Variants in TTC7A observed in about 807,000 individuals in gnomAD.
The protein encoded by TTC7A is tetratricopeptide repeat domain 7A.
In TTC7A, 110 loss-of-function variants were observed where a neutral mutation model predicts 103.7. The ratio of observed to expected loss-of-function variants is 1.06; its 90% CI spans 0.91 to 1.24. The LOEUF is 1.24. Among genes scored for constraint, TTC7A ranks in the 50% most tolerant of loss-of-function variants. The pLI is 0.00. For missense variants in TTC7A, 1,340 were observed against 1,116.3 expected, an observed-to-expected ratio of 1.20 and a Z score of -2.86; for synonymous variants, 521 against 467.9, an observed-to-expected ratio of 1.11 and a Z score of -1.47.
chr2:46,957,152 G>A (rs1347149617), intron 3 of TTC7A, 145 bp downstream of exon 3: 14 of 1,008,644 alleles, frequency 1.4e-5, no homozygotes, highest in Admixed American at 2.5e-5. Flanking sequence ...GTGGATGCCG[G>A]TGGCAACCGG....
chr2:46,920,186 G>A (rs1669027585), intron 2 of TTC7A, among the ~76,000 whole-genome samples: 1 of 152,060 alleles, frequency 6.6e-6, no homozygotes, highest in Non-Finnish European at 1.5e-5. Flanking sequence ...TATTAATTAT[G>A]TATACATTAA....
At chr2:46,938,998 G>A (rs1402994351), upstream of TTC7A, among the ~76,000 whole-genome samples, 12 of 146,506 alleles carry the variant, frequency 8.2e-5, no homozygotes, top group South Asian at 2.2e-4. Flanking sequence ...GCAACAGAGC[G>A]AGACTCTGTC....
In TTC7A at chr2:46,941,936, C is replaced by G. The variant is rs953654186; in HGVS notation, c.184+211C>G. On this transcript the variant is annotated intron_variant, in intron 1 of 19. Coordinates refer to ENST00000319190, the MANE Select transcript of TTC7A (RefSeq NM_020458.4). The surrounding 1 kb of genome is among the most constrained non-coding windows in gnomAD (Gnocchi z 4.2). ...GGGGGCTTGGAGGGAAGAGAAACGG[C>G]TTTTGCTCTGTGTCCTTTAGGATAA... The G allele has an allele frequency of 3.2e-4, 201 of 634,380 alleles. No homozygotes were observed. The African/African-American group carries it at 3.3e-3, about 10-fold the overall frequency. 39.3% of individuals were successfully genotyped at this position (634,380 alleles called of 1,614,324 possible).
At chr2:47,040,605 A>G (rs1216388286) in intron 15 of TTC7A, 2 of 152,258 alleles carry the variant, frequency 1.3e-5, no homozygotes, top group Non-Finnish European at 2.9e-5. Context: ...CAACAGACCA[A>G]GAAGCTCAGG....
intron 19 of TTC7A, chr2:47,067,881 G>A (rs1684312115): frequency 6.6e-6 from 1 of 151,970 alleles, no homozygotes; most frequent in African/African-American, 2.4e-5. Flanking sequence ...TGGAAACCTG[G>A]TGCCAAGCCC....
intron 10 of TTC7A, among the ~76,000 whole-genome samples, chr2:47,010,907 C>T (rs1677974935): frequency 6.6e-6 from 1 of 152,136 alleles, no homozygotes; most frequent in South Asian, 2.1e-4. Flanking sequence ...ACCAAGTTGG[C>T]CAGGCTGGTC....
At chr2:47,032,947 G>A (rs1680724114) in intron 15 of TTC7A, among the ~76,000 whole-genome samples, 1 of 150,800 alleles carries the variant, frequency 6.6e-6, no homozygotes, top group Non-Finnish European at 1.5e-5. Flanking sequence ...GTGGGGCTGA[G>A]AAGTCCATGT....
At chr2:46,976,383 G>A (rs2104244458) in intron 4 of TTC7A, among the ~76,000 whole-genome samples, 1 of 152,356 alleles carries the variant, frequency 6.6e-6, no homozygotes, top group East Asian at 1.9e-4. Flanking sequence ...TGATGCTCAG[G>A]TATTCTGTGG....
chr2:46,933,332 A>G (rs921345845), intron 2 of TTC7A, among the ~76,000 whole-genome samples: 3 of 152,256 alleles, frequency 2.0e-5, no homozygotes, highest in Non-Finnish European at 4.4e-5. Flanking sequence ...CAAAGCTCTC[A>G]TCTCCAAGTG....
chr2:47,046,235 G>A, intron 15 of TTC7A, 80 bp from the exon 16 acceptor site: 1 of 1,114,424 alleles, frequency 9.0e-7, no homozygotes, highest in Non-Finnish European at 1.4e-6. Flanking sequence ...AGCATGTGGA[G>A]CCGCCCTGGT....
chr2:46,970,985 G>A (rs1054976646), intron 3 of TTC7A, among the ~76,000 whole-genome samples: 1 of 152,234 alleles, frequency 6.6e-6, no homozygotes, highest in African/African-American at 2.4e-5. Flanking sequence ...CACTGAATCT[G>A]TGTGCATGGG....
chr2:46,923,848 T>G (rs1270518949), intron 2 of TTC7A, among the ~76,000 whole-genome samples: 2 of 152,028 alleles, frequency 1.3e-5, no homozygotes, highest in African/African-American at 4.8e-5. Flanking sequence ...ATCTCTTGCC[T>G]CAGCCTCCAG....
chr2:46,929,362 C>T (rs1669572925), intron 2 of TTC7A, among the ~76,000 whole-genome samples: 1 of 152,048 alleles, frequency 6.6e-6, no homozygotes, highest in Non-Finnish European at 1.5e-5. Flanking sequence ...TGGTACACAC[C>T]TGTAGTTCTA....
intron 18 of TTC7A, 40 bp from the exon 19 acceptor site, chr2:47,060,729 C>G (rs745335110): frequency 1.9e-6 from 3 of 1,558,046 alleles, no homozygotes; most frequent in South Asian, 2.4e-5. Context: ...CCTCTGACTC[C>G]CCACCACTCA....
intron 19 of TTC7A, among the ~76,000 whole-genome samples, chr2:47,062,083 T>G (rs1683828217): frequency 6.6e-6 from 1 of 152,186 alleles, no homozygotes; most frequent in South Asian, 2.1e-4. Context: ...GGGGGCTGAT[T>G]TGTCCGTGAG....
Position 46,955,069 on chromosome 2 carries a change from A to G in TTC7A, c.349-1770A>G, listed in dbSNP as rs183783333. ...GTCTCCATGTGCAGGATAATGATAAATACGCATACCCTGTATTTATCTTGC... is the reference window on the plus strand; with the variant it reads ...GTCTCCATGTGCAGGATAATGATAAGTACGCATACCCTGTATTTATCTTGC... On this transcript the variant is annotated intron_variant, in intron 2 of 19. Transcript: ENST00000319190. 1.5e-3 allele frequency among the ~76,000 whole-genome samples: 225 copies of G among 152,342 alleles called. 3 individuals carry two copies. Among genetic ancestry groups the G allele is most frequent in the Non-Finnish European group, 5.3e-4 (36 of 68,038 alleles).
chr2:47,055,060 G>A (rs1683206967), intron 18 of TTC7A, among the ~76,000 whole-genome samples: 1 of 152,020 alleles, frequency 6.6e-6, no homozygotes, highest in East Asian at 1.9e-4. Context: ...CTGTTGAATG[G>A]AGGGCTGCCA....
At chr2:46,972,139 C>A (rs189284581) in intron 3 of TTC7A, among the ~76,000 whole-genome samples, 1 of 151,724 alleles carries the variant, frequency 6.6e-6, no homozygotes, top group East Asian at 1.9e-4. Flanking sequence ...CATGTCTTTT[C>A]TCTGCATGGA....
chr2:46,945,798 G>A (rs970892374), intron 1 of TTC7A, among the ~76,000 whole-genome samples: 5 of 152,158 alleles, frequency 3.3e-5, no homozygotes, highest in Non-Finnish European at 7.3e-5. Context: ...CAGTTAGAAG[G>A]GGTTTGTTTG....
Sources: allele counts gnomAD v4.1 joint callset (sites outside exome capture counted in the v4.1 genomes callset), GRCh38; gene constraint gnomAD v4.1.1; non-coding constraint Gnocchi (gnomAD v3.1); transcripts MANE v1.5; gene names NCBI Gene and HGNC (gene_info 2026-07-23, HGNC 2026-07-21).